The following CHRNA7 variants were observed in gnomAD, a reference collection of about 807,000 sequenced individuals.
CHRNA7 encodes cholinergic receptor nicotinic alpha 7 subunit.
CHRNA7 carries 17 observed loss-of-function variants against 48.0 expected under a neutral mutation model. That is an observed-to-expected ratio of 0.35 (90% CI 0.24 to 0.53). CHRNA7 has a LOEUF of 0.53. Ranked by LOEUF, CHRNA7 falls within the 20% of genes least tolerant of loss-of-function variation. CHRNA7 has a pLI of 0.92. For missense variants in CHRNA7, 155 were observed against 577.7 expected, an observed-to-expected ratio of 0.27 and a Z score of 7.50; for synonymous variants, 75 against 242.3, an observed-to-expected ratio of 0.31 and a Z score of 6.41.
intron 3 of CHRNA7, among the ~76,000 whole-genome samples, chr15:32,109,937 C>T (rs1360446260): frequency 6.6e-6 from 1 of 152,188 alleles, no homozygotes. Flanking sequence ...CATCCAAGCA[C>T]TCCCATTCCC....
chr15:32,084,197 A>G (rs1289960239), intron 2 of CHRNA7, among the ~76,000 whole-genome samples: 1 of 152,216 alleles, frequency 6.6e-6, no homozygotes, highest in Admixed American at 6.5e-5. Flanking sequence ...ATGTTGGAAA[A>G]CTGCAAGTTT....
At chr15:32,056,474 A>G (rs1285141373) in intron 2 of CHRNA7, among the ~76,000 whole-genome samples, 1 of 152,240 alleles carries the variant, frequency 6.6e-6, no homozygotes, top group Non-Finnish European at 1.5e-5. Flanking sequence ...GTTTAACTGT[A>G]TCACATTTGG....
Position 32,168,757 on chromosome 15 carries a change from CT to C in CHRNA7, c.*300del. 3 of 21,416 alleles carry C rather than the reference CT, an allele frequency of 1.4e-4. No homozygotes were observed. The highest frequency in any genetic ancestry group is 1.8e-4 in the Non-Finnish European group (2 of 11,204). 1.3% of individuals were successfully genotyped at this position (21,416 alleles called of 1,614,324 possible). A position where few individuals can be genotyped will look rare whatever the true frequency, so the allele number is the denominator to read the frequency against. ...ACTGCCTGGAAAGCCCTTCGGAGAGCTCCCCATGGCTCCTCACCACCGAGAC... is the reference window on the plus strand; with the variant it reads ...ACTGCCTGGAAAGCCCTTCGGAGAGCCCCCATGGCTCCTCACCACCGAGAC... On this transcript the variant is annotated 3_prime_UTR_variant, in exon 10 of 10. Coordinates refer to ENST00000306901, the MANE Select transcript of CHRNA7 (RefSeq NM_000746.6).
chr15:32,057,145 A>G (rs2049800833), intron 2 of CHRNA7, among the ~76,000 whole-genome samples: 1 of 152,172 alleles, frequency 6.6e-6, no homozygotes, highest in African/African-American at 2.4e-5. Context: ...TTATAGTCCT[A>G]AGTTAGGTTT....
At chr15:32,110,913 G>A (rs2050752357) in intron 3 of CHRNA7, among the ~76,000 whole-genome samples, 1 of 152,162 alleles carries the variant, frequency 6.6e-6, no homozygotes, top group Non-Finnish European at 1.5e-5. Context: ...CAGAGCATGG[G>A]TGGTACCAGG....
intron 2 of CHRNA7, among the ~76,000 whole-genome samples, chr15:32,033,880 T>A (rs1377779039): frequency 6.6e-6 from 1 of 152,240 alleles, no homozygotes; most frequent in African/African-American, 2.4e-5. Flanking sequence ...GATTCCTGAC[T>A]GGAGTGATAG....
In CHRNA7 at chr15:32,049,792, G is replaced by T. The variant is rs1050713315; in HGVS notation, c.195+18755G>T. Among the ~76,000 whole-genome samples, 533 of 152,234 alleles carry T rather than the reference G, an allele frequency of 3.5e-3. 1 individual carries two copies. The highest frequency in any genetic ancestry group is 6.8e-3 in the Middle Eastern group (2 of 294). On this transcript the variant is annotated intron_variant, in intron 2 of 9. Transcript: ENST00000306901. ...TTTTGCAGCAGCTAGTACCGGTTGTGCCTTTCCATGTTTAGTGCTTCCTTC... is the reference window on the plus strand; with the variant it reads ...TTTTGCAGCAGCTAGTACCGGTTGTTCCTTTCCATGTTTAGTGCTTCCTTC...
At chr15:32,081,405 G>A (rs1595424577) in intron 2 of CHRNA7, among the ~76,000 whole-genome samples, 2 of 151,742 alleles carry the variant, frequency 1.3e-5, no homozygotes, top group Admixed American at 6.6e-5. Context: ...TCTGTATTTT[G>A]TTTATCTTTT....
chr15:32,136,921 A>G lies in CHRNA7; in HGVS notation c.351-16986A>G, dbSNP rs1327195613. Among the ~76,000 whole-genome samples, 17 of 147,982 alleles carry G rather than the reference A, an allele frequency of 1.1e-4. No individual in the cohort carries two copies. The Admixed American group carries it at 1.2e-3, about 10-fold the overall frequency. Reference sequence around the variant, plus strand: ...GTGGCGGGCGCCTGTAGTCCCAGCTACTTGGGAGGCTGAGGCAGGAGAATG... The same window carrying G: ...GTGGCGGGCGCCTGTAGTCCCAGCTGCTTGGGAGGCTGAGGCAGGAGAATG... On this transcript the variant is annotated intron_variant, in intron 4 of 9. Transcript: ENST00000306901.
intron 2 of CHRNA7, among the ~76,000 whole-genome samples, chr15:32,058,442 C>T (rs935646881): frequency 3.9e-5 from 6 of 152,158 alleles, no homozygotes; most frequent in African/African-American, 1.4e-4. Flanking sequence ...TTTGCAACAG[C>T]GGGAAGCAGC....
chr15:32,114,647 C>T (rs571252056), intron 4 of CHRNA7, among the ~76,000 whole-genome samples: 2 of 152,282 alleles, frequency 1.3e-5, no homozygotes, highest in East Asian at 1.9e-4. Context: ...ATATATGGCC[C>T]GCAGGTCCAC....
At chr15:32,124,852 C>A (rs1297731135) in intron 4 of CHRNA7, among the ~76,000 whole-genome samples, 2 of 152,158 alleles carry the variant, frequency 1.3e-5, no homozygotes, top group African/African-American at 4.8e-5. Context: ...GGGCTTTCTT[C>A]CTGTCTCTGC....
At chr15:32,037,437 T>C (rs1902146516) in intron 2 of CHRNA7, among the ~76,000 whole-genome samples, 1 of 152,222 alleles carries the variant, frequency 6.6e-6, no homozygotes, top group African/African-American at 2.4e-5. Context: ...ATAAACTTTA[T>C]AATTGCTTTA....
intron 2 of CHRNA7, among the ~76,000 whole-genome samples, chr15:32,068,171 G>C (rs1566816148): frequency 6.6e-6 from 1 of 152,052 alleles, no homozygotes; most frequent in Non-Finnish European, 1.5e-5. Context: ...AATTAGGTAG[G>C]CATGGTGACT....
At chr15:32,139,990 G>A (rs2051347749) in intron 4 of CHRNA7, among the ~76,000 whole-genome samples, 1 of 151,948 alleles carries the variant, frequency 6.6e-6, no homozygotes, top group Non-Finnish European at 1.5e-5. Context: ...GTTACATTAG[G>A]TGTACATGTG....
chr15:32,137,166 G>A (rs2051284184), intron 4 of CHRNA7, among the ~76,000 whole-genome samples: 1 of 151,964 alleles, frequency 6.6e-6, no homozygotes, highest in Admixed American at 6.6e-5. Flanking sequence ...AAAGTAAATG[G>A]GATGGCCAGC....
chr15:32,142,124 C>A (rs1290260693), intron 4 of CHRNA7, among the ~76,000 whole-genome samples: 1 of 152,162 alleles, frequency 6.6e-6, no homozygotes, highest in South Asian at 2.1e-4. Flanking sequence ...GAGTTTTTAG[C>A]ATGAAGGGCT....
At chr15:32,130,903 T>C (rs2051143962) in intron 4 of CHRNA7, among the ~76,000 whole-genome samples, 1 of 152,160 alleles carries the variant, frequency 6.6e-6, no homozygotes, top group African/African-American at 2.4e-5. Context: ...TTGACATTTC[T>C]TCATTATTCC....
intron 4 of CHRNA7, among the ~76,000 whole-genome samples, chr15:32,122,384 T>TG (rs1182339741): frequency 2.0e-5 from 3 of 152,212 alleles, no homozygotes; most frequent in African/African-American, 7.2e-5. Context: ...CTAGAAATGA[T>TG]TCTCCTTTCT....
Sources: gnomAD v4.1 joint callset for allele counts (sites outside exome capture counted in the v4.1 genomes callset) on GRCh38, gnomAD v4.1.1 for gene constraint, MANE v1.5 for transcripts, NCBI Gene and HGNC (gene_info 2026-07-23, HGNC 2026-07-21) for gene names.